Variants in FER observed in about 807,000 individuals in gnomAD.
FER encodes the protein FER tyrosine kinase.
A neutral mutation model predicts 111.0 loss-of-function variants in FER; 63 were observed. The observed-to-expected ratio is 0.57, with a 90% confidence interval of 0.46 to 0.70. The LOEUF is 0.70. Ranked by LOEUF, FER falls within the 30% of genes least tolerant of loss-of-function variation. The pLI, the probability that FER is intolerant of heterozygous loss-of-function variation, is 0.00. For missense variants in FER, 914 were observed against 954.0 expected, an observed-to-expected ratio of 0.96 and a Z score of 0.55; for synonymous variants, 327 against 313.9, an observed-to-expected ratio of 1.04 and a Z score of -0.44.
At chr5:108,927,520 A>G (rs779297392) in intron 10 of FER, among the ~76,000 whole-genome samples, 5 of 152,060 alleles carry the variant, frequency 3.3e-5, no homozygotes, top group East Asian at 1.9e-4. Context: ...CGGCCTCCCA[A>G]AGTGCTGGGA....
At chr5:108,894,956 A>G (rs916263199) in intron 9 of FER, among the ~76,000 whole-genome samples, 2 of 152,192 alleles carry the variant, frequency 1.3e-5, no homozygotes, top group Non-Finnish European at 2.9e-5. Context: ...TTGGGTGAGG[A>G]CACAGCCAAA....
intron 16 of FER, among the ~76,000 whole-genome samples, chr5:109,083,358 T>C (rs1245538973): frequency 2.0e-5 from 3 of 152,028 alleles, no homozygotes; most frequent in Non-Finnish European, 4.4e-5. Flanking sequence ...CAGTCCCACA[T>C]CATACCACTA....
At chr5:108,794,569 T>A (rs1157112871) in intron 2 of FER, among the ~76,000 whole-genome samples, 1 of 126,870 alleles carries the variant, frequency 7.9e-6, no homozygotes, top group East Asian at 2.5e-4. Flanking sequence ...ATAGGACTAG[T>A]GTGGTGCTGA....
In FER at chr5:108,953,214, T is replaced by TA. The variant is rs1267666212; in HGVS notation, c.1330-1511dup. 1.3e-4 allele frequency among the ~76,000 whole-genome samples: 20 copies of TA among 152,068 alleles called. No individual in the cohort carries two copies. In the East Asian group the frequency reaches 3.1e-3, roughly 23 times the overall value. On this transcript the variant is annotated intron_variant, in intron 11 of 19. Coordinates refer to ENST00000281092, the MANE Select transcript of FER (RefSeq NM_005246.4). ...TTTGTGTAGATTATGCGTTTGTTTT[T>TA]AAAAGCAATATTCTTTTACCTCATA...
At chr5:108,895,204 T>G (rs1023553110) in intron 9 of FER, among the ~76,000 whole-genome samples, 1 of 152,212 alleles carries the variant, frequency 6.6e-6, no homozygotes, top group African/African-American at 2.4e-5. Flanking sequence ...AGAATATATA[T>G]GACTTGAAAT....
At chr5:108,758,084 G>A (rs569803689) in intron 1 of FER, among the ~76,000 whole-genome samples, 2 of 152,176 alleles carry the variant, frequency 1.3e-5, no homozygotes, top group Non-Finnish European at 1.5e-5. Context: ...TAAAAATAAT[G>A]TAGAAATGTT....
chr5:108,937,554 G>T (rs542863596), intron 10 of FER, among the ~76,000 whole-genome samples: 6 of 152,078 alleles, frequency 3.9e-5, no homozygotes, highest in Admixed American at 1.3e-4. Context: ...CCTGGAATCA[G>T]TAGAGCCTAG....
intron 2 of FER, among the ~76,000 whole-genome samples, chr5:108,794,999 C>T (rs192563304): frequency 3.3e-5 from 5 of 152,156 alleles, no homozygotes; most frequent in African/African-American, 9.7e-5. Context: ...TCTGTACCTC[C>T]TTTTTAATTC....
At chr5:108,905,704 A>G (rs1254739348) in intron 10 of FER, among the ~76,000 whole-genome samples, 4 of 152,152 alleles carry the variant, frequency 2.6e-5, no homozygotes, top group Non-Finnish European at 4.4e-5. Context: ...TTTGACTTGT[A>G]TGTATTTATA....
intron 16 of FER, among the ~76,000 whole-genome samples, chr5:109,048,306 A>T (rs1427884201): frequency 1.3e-5 from 2 of 152,156 alleles, no homozygotes; most frequent in African/African-American, 4.8e-5. Flanking sequence ...CTTTATCCTC[A>T]TTAAGATGGC....
At chr5:108,991,223 GTA>G (rs1483988950) in intron 13 of FER, among the ~76,000 whole-genome samples, 1 of 151,840 alleles carries the variant, frequency 6.6e-6, no homozygotes, top group Non-Finnish European at 1.5e-5. Context: ...ATACGCACAT[GTA>G]TATATGGGTG....
intron 16 of FER, among the ~76,000 whole-genome samples, chr5:109,089,964 T>C (rs1199936897): frequency 1.3e-5 from 2 of 152,170 alleles, no homozygotes; most frequent in African/African-American, 2.4e-5. Flanking sequence ...CTGGCTTGGC[T>C]TAGTGCCTTT....
chr5:108,839,633 A>G (rs1273736125), intron 5 of FER, among the ~76,000 whole-genome samples: 2 of 132,692 alleles, frequency 1.5e-5, no homozygotes, highest in Non-Finnish European at 3.0e-5. Context: ...GCTGGAGTGC[A>G]GTGGCGCTGT....
Position 108,795,136 on chromosome 5 carries a change from C to A in FER, c.-59-2988C>A, listed in dbSNP as rs914898222. ...CGTAGGAGTTTGACAGCAGCCTGGG[C>A]AACAAAGTGTGACCCCTTCTTTACA... On this transcript the variant is annotated intron_variant, in intron 2 of 19. Coordinates refer to ENST00000281092, the MANE Select transcript of FER (RefSeq NM_005246.4). 5.3e-5 allele frequency among the ~76,000 whole-genome samples: 8 copies of A among 152,294 alleles called. 1 individual carries two copies. In the South Asian group the frequency reaches 1.7e-3, roughly 32 times the overall value.
At chr5:109,168,622 G>A (rs527529350) in intron 17 of FER, among the ~76,000 whole-genome samples, 1 of 152,194 alleles carries the variant, frequency 6.6e-6, no homozygotes, top group South Asian at 2.1e-4. Context: ...TATTCTTCAA[G>A]ATATTATTTA....
intron 3 of FER, among the ~76,000 whole-genome samples, chr5:108,831,134 T>G (rs902568112): frequency 6.6e-6 from 1 of 152,184 alleles, no homozygotes; most frequent in African/African-American, 2.4e-5. Context: ...GTTTTTTGGC[T>G]TGCAAGAAAT....
intron 10 of FER, among the ~76,000 whole-genome samples, chr5:108,928,707 A>G (rs1007818995): frequency 1.3e-5 from 2 of 151,916 alleles, no homozygotes; most frequent in African/African-American, 2.4e-5. Context: ...ATATACATGC[A>G]TATATATATG....
chr5:109,157,146 ACTCT>A (rs1352798422), intron 17 of FER, among the ~76,000 whole-genome samples: 1 of 151,974 alleles, frequency 6.6e-6, no homozygotes, highest in African/African-American at 2.4e-5. Context: ...ATAGCCCCTT[ACTCT>A]CTCCAAAAGT....
At chr5:109,174,161 C>T (rs141210250) in intron 17 of FER, among the ~76,000 whole-genome samples, 13 of 151,936 alleles carry the variant, frequency 8.6e-5, no homozygotes, top group East Asian at 3.9e-4. Flanking sequence ...GTATGAAGTG[C>T]GGTAAAGGAG....
Sources: allele counts gnomAD v4.1 joint callset (sites outside exome capture counted in the v4.1 genomes callset), GRCh38; gene constraint gnomAD v4.1.1; transcripts MANE v1.5; gene names NCBI Gene and HGNC (gene_info 2026-07-23, HGNC 2026-07-21).